KCNT2: variants seen among roughly 807,000 people sequenced by gnomAD.
KCNT2 encodes potassium channel subfamily T member 2.
A neutral mutation model predicts 153.8 loss-of-function variants in KCNT2; 67 were observed. That is an observed-to-expected ratio of 0.44 (90% CI 0.36 to 0.53). KCNT2 has a LOEUF of 0.53. KCNT2 is among the 20% of genes least tolerant of loss of function. KCNT2 has a pLI of 0.00. For synonymous variants in KCNT2, 500 were observed against 458.8 expected, an observed-to-expected ratio of 1.09 and a Z score of -1.15; for missense variants, 975 against 1,354.8, an observed-to-expected ratio of 0.72 and a Z score of 4.40.
rs1659187235 is a variant in KCNT2, at chr1:196,282,309, T to A, written c.2745A>T (p.Gly915=). The A allele has an allele frequency of 4.4e-6, 7 of 1,603,490 alleles. No individual in the cohort carries two copies. The highest frequency in any genetic ancestry group is 2.2e-5 in the East Asian group (1 of 44,686). Reference sequence around the variant, plus strand: ...ACCCAGATCCTGGTGTAGTGTCCAGTCCCAACAGAAGTCTCGTGATAGAAA... The same window carrying A: ...ACCCAGATCCTGGTGTAGTGTCCAGACCCAACAGAAGTCTCGTGATAGAAA... ...YMISITRLLL[G]LDTTPGSGFL... The change falls in exon 24 of 28, where the codon GGA becomes GGT. Residue 915 remains glycine, a synonymous_variant. Coordinates refer to ENST00000294725, the MANE Select transcript of KCNT2 (RefSeq NM_198503.5).
At chr1:196,234,931 G>T (rs1438037372) in intron 27 of KCNT2, among the ~76,000 whole-genome samples, 1 of 151,234 alleles carries the variant, frequency 6.6e-6, no homozygotes, top group Non-Finnish European at 1.5e-5. Context: ...TCTACCCCAG[G>T]ACAGGTCGTG....
intron 8 of KCNT2, among the ~76,000 whole-genome samples, chr1:196,460,559 T>G (rs1444234782): frequency 6.6e-6 from 1 of 151,698 alleles, no homozygotes; most frequent in East Asian, 1.9e-4. Context: ...CGCTCATGAA[T>G]TATAAAAGTC....
At chr1:196,348,282 A>G (rs1206804272) in intron 14 of KCNT2, among the ~76,000 whole-genome samples, 1 of 152,096 alleles carries the variant, frequency 6.6e-6, no homozygotes, top group Non-Finnish European at 1.5e-5. Context: ...TTAGTGTTGT[A>G]ATTAGATAAA....
At chr1:196,278,854 A>G (rs995274434) in intron 25 of KCNT2, among the ~76,000 whole-genome samples, 43 of 152,172 alleles carry the variant, frequency 2.8e-4, no homozygotes, top group Admixed American at 2.0e-4. Flanking sequence ...CACAATGCAT[A>G]TGTGAAAACC....
At chr1:196,401,618 G>A (rs1428713265) in intron 12 of KCNT2, among the ~76,000 whole-genome samples, 3 of 151,576 alleles carry the variant, frequency 2.0e-5, no homozygotes, top group African/African-American at 7.3e-5. Context: ...CTTGAACATA[G>A]ATCAATAGAA....
chr1:196,378,616 A>G (rs1388719730), intron 13 of KCNT2, among the ~76,000 whole-genome samples: 2 of 151,182 alleles, frequency 1.3e-5, no homozygotes, highest in East Asian at 2.0e-4. Flanking sequence ...AGTTTTAACC[A>G]TAGTTCAAGC....
chr1:196,232,536 A>G (rs2102222292), intron 27 of KCNT2, among the ~76,000 whole-genome samples: 2 of 151,724 alleles, frequency 1.3e-5, no homozygotes, highest in Middle Eastern at 3.4e-3. Flanking sequence ...TTCCACTGAA[A>G]TTTAATTATC....
At chr1:196,304,067 T>G (rs1661416656) in intron 22 of KCNT2, among the ~76,000 whole-genome samples, 1 of 152,062 alleles carries the variant, frequency 6.6e-6, no homozygotes. Context: ...ATCTATCTAG[T>G]CTCAAACTCA....
intron 14 of KCNT2, among the ~76,000 whole-genome samples, chr1:196,356,973 T>C (rs972787160): frequency 2.0e-5 from 3 of 151,912 alleles, no homozygotes; most frequent in African/African-American, 7.2e-5. Flanking sequence ...CTAGGTACTT[T>C]TTAACTTACC....
At chr1:196,571,654 T>C (rs1660790010) in intron 1 of KCNT2, among the ~76,000 whole-genome samples, 1 of 152,212 alleles carries the variant, frequency 6.6e-6, no homozygotes, top group African/African-American at 2.4e-5. Context: ...CCCTAATGCA[T>C]ATCAAACTAG....
At chr1:196,239,563 T>A (rs558904382) in intron 26 of KCNT2, among the ~76,000 whole-genome samples, 11 of 152,122 alleles carry the variant, frequency 7.2e-5, no homozygotes, top group South Asian at 4.1e-4. Context: ...ACAAAATAAT[T>A]GATTAATGAG....
chr1:196,483,470 A>G (rs952342223), intron 3 of KCNT2, among the ~76,000 whole-genome samples: 49 of 152,172 alleles, frequency 3.2e-4, no homozygotes, highest in Admixed American at 3.2e-3. Context: ...TTTAGATCAC[A>G]TTACCCTATT....
chr1:196,367,969 G>C (rs1441396122), intron 14 of KCNT2, among the ~76,000 whole-genome samples: 1 of 152,100 alleles, frequency 6.6e-6, no homozygotes, highest in East Asian at 1.9e-4. Flanking sequence ...ATTACAATAA[G>C]AGAATCCTGA....
intron 1 of KCNT2, among the ~76,000 whole-genome samples, chr1:196,506,673 C>T (rs1040844709): frequency 2.0e-5 from 3 of 152,102 alleles, no homozygotes; most frequent in African/African-American, 7.2e-5. Flanking sequence ...AGCCTTGATC[C>T]TAGAGCCTAA....
At chr1:196,244,973 C>T (rs1181122794) in intron 26 of KCNT2, among the ~76,000 whole-genome samples, 5 of 152,098 alleles carry the variant, frequency 3.3e-5, no homozygotes, top group Admixed American at 2.6e-4. Context: ...TTGTGTTATC[C>T]CTTCCCCAGC....
rs141731712 is a variant in KCNT2 at position 196,310,956 on chromosome 1, C to T, written c.2483+4936G>A. 7.2e-4 allele frequency among the ~76,000 whole-genome samples: 110 copies of T among 151,884 alleles called. 1 individual carries two copies. The Middle Eastern group carries it at 0.027, about 38-fold the overall frequency. The stretch of plus-strand genomic sequence containing the variant: ...GTCTTCCTCTTGCTCTGCTCCAAGT[C>T]CTTGAATAGTCACTACCAGGATCTC... On this transcript the variant is annotated intron_variant, in intron 21 of 27. Coordinates refer to ENST00000294725, the MANE Select transcript of KCNT2 (RefSeq NM_198503.5).
intron 14 of KCNT2, among the ~76,000 whole-genome samples, chr1:196,371,309 T>C (rs561023227): frequency 1.4e-5 from 2 of 145,184 alleles, no homozygotes; most frequent in East Asian, 2.2e-4. Context: ...AGTAAATCTA[T>C]AAAAGCAGAA....
chr1:196,470,170 T>G (rs193100657), intron 5 of KCNT2, among the ~76,000 whole-genome samples: 2 of 152,218 alleles, frequency 1.3e-5, no homozygotes, highest in South Asian at 4.1e-4. Context: ...AATGCCTCCT[T>G]ATAGAGATGT....
At chr1:196,291,772 G>A (rs907286000) in intron 22 of KCNT2, among the ~76,000 whole-genome samples, 7 of 152,026 alleles carry the variant, frequency 4.6e-5, no homozygotes, top group South Asian at 2.1e-4. Context: ...CTGCACTTCC[G>A]ACTTATTTTA....
Sources: gnomAD v4.1 joint callset for allele counts (sites outside exome capture counted in the v4.1 genomes callset) on GRCh38, gnomAD v4.1.1 for gene constraint, MANE v1.5 for transcripts, NCBI Gene and HGNC (gene_info 2026-07-23, HGNC 2026-07-21) for gene names.